Variants in PARVA observed in about 807,000 individuals in gnomAD.
The protein encoded by PARVA is alpha-parvin.
Under a neutral mutation model 52.6 loss-of-function variants are expected in PARVA, and 25 were observed. The ratio of observed to expected loss-of-function variants is 0.48; its 90% confidence interval spans 0.35 to 0.66. The LOEUF (loss-of-function observed/expected upper bound fraction) is 0.66. PARVA is among the 30% of genes least tolerant of loss of function. The pLI, the probability that PARVA is intolerant of heterozygous loss-of-function variation, is 0.01. For missense variants in PARVA, 373 were observed against 450.9 expected, an observed-to-expected ratio of 0.83 and a Z score of 1.56; for synonymous variants, 185 against 179.1, an observed-to-expected ratio of 1.03 and a Z score of -0.26.
chr11:12,497,511 T>A (rs549985961), intron 5 of PARVA, among the ~76,000 whole-genome samples: 1 of 152,306 alleles, frequency 6.6e-6, no homozygotes, highest in Non-Finnish European at 1.5e-5. Context: ...TAACTGCCAG[T>A]CACAATCCCT....
intron 3 of PARVA, among the ~76,000 whole-genome samples, chr11:12,476,680 C>A (rs11022367): frequency 0.19 from 29,601 of 151,942 alleles, 3,686 homozygotes; most frequent in East Asian, 0.35. Context: ...TTTTCTGCCC[C>A]CATAAGCCTC....
chr11:12,398,520 C>A (rs1236272088), intron 1 of PARVA, among the ~76,000 whole-genome samples: 1 of 149,268 alleles, frequency 6.7e-6, no homozygotes, highest in East Asian at 2.1e-4. Flanking sequence ...AAATGAGACA[C>A]AGGGCATTTC....
At position 12,473,951 on chromosome 11, in the gene PARVA, C is replaced by G. The variant is rs780347455; in HGVS notation, c.265C>G (p.Arg89Gly). ...GCGAACAATGGTGGATCCAAACTCA[C>G]GCAGTGACCCCAAGCTTCAAGAACT... Reference protein sequence around the residue: ...EVRTMVDPNSRSDPKLQELMK... With the variant: ...EVRTMVDPNSGSDPKLQELMK... The change falls in exon 3 of 13, where the codon CGC (arginine) becomes GGC (glycine). Residue 89 changes from arginine (R) to glycine (G), a missense_variant. Coordinates refer to ENST00000334956, the MANE Select transcript of PARVA (RefSeq NM_018222.5). 9 of 1,582,404 alleles carry G rather than the reference C, an allele frequency of 5.7e-6. No individual in the cohort carries two copies. Among genetic ancestry groups the G allele is most frequent in the Non-Finnish European group, 6.0e-6 (7 of 1,164,314 alleles).
intron 1 of PARVA, among the ~76,000 whole-genome samples, chr11:12,383,233 T>C (rs1033362670): frequency 6.6e-5 from 10 of 152,232 alleles, no homozygotes; most frequent in African/African-American, 2.4e-4. Context: ...GGCCCTCCTG[T>C]GTGGATTCTT....
chr11:12,419,795 A>G (rs1454874291), intron 1 of PARVA, among the ~76,000 whole-genome samples: 1 of 152,136 alleles, frequency 6.6e-6, no homozygotes, highest in Non-Finnish European at 1.5e-5. Flanking sequence ...TTTGTTATTA[A>G]TAGTAACCAT....
chr11:12,430,848 G>A (rs1329354107), intron 1 of PARVA, among the ~76,000 whole-genome samples: 1 of 152,166 alleles, frequency 6.6e-6, no homozygotes, highest in Admixed American at 6.5e-5. Flanking sequence ...GCTTGACAGG[G>A]CGGAGAAGTC....
At position 12,377,792 on chromosome 11, in the gene PARVA, G is replaced by T; in HGVS notation, c.136+9G>T. The stretch of plus-strand genomic sequence containing the variant: ...GAAGAAAGCCAAGGAGGGTGAGTGC[G>T]GCCAGGCCGGCCGGGCGGGCGGTAG... On this transcript the variant is annotated intron_variant, in intron 1 of 12. Transcript: ENST00000334956. 1 of 1,481,980 alleles carries T rather than the reference G, an allele frequency of 6.7e-7. No homozygotes were observed. The highest frequency in any genetic ancestry group is 1.5e-5 in the African/African-American group (1 of 67,796). 91.8% of individuals were successfully genotyped at this position (1,481,980 alleles called of 1,614,324 possible).
At chr11:12,507,100 C>T (rs922429055) in intron 6 of PARVA, among the ~76,000 whole-genome samples, 6 of 151,616 alleles carry the variant, frequency 4.0e-5, no homozygotes, top group Non-Finnish European at 8.8e-5. Context: ...TTGATTAGTC[C>T]ATTCTTAATC....
At chr11:12,492,677 T>G (rs2135056359) in intron 4 of PARVA, among the ~76,000 whole-genome samples, 1 of 152,214 alleles carries the variant, frequency 6.6e-6, no homozygotes, top group East Asian at 1.9e-4. Flanking sequence ...GCCTGCAAAA[T>G]AGAGATAATG....
intron 4 of PARVA, among the ~76,000 whole-genome samples, chr11:12,486,957 A>G (rs2135050837): frequency 6.6e-6 from 1 of 152,350 alleles, no homozygotes; most frequent in Non-Finnish European, 1.5e-5. Flanking sequence ...CCTTATGAGC[A>G]AAACAACACA....
intron 1 of PARVA, among the ~76,000 whole-genome samples, chr11:12,403,337 AG>A: frequency 1.3e-5 from 2 of 152,332 alleles, no homozygotes; most frequent in Admixed American, 1.3e-4. Context: ...GGGGAGCAAC[AG>A]GTACCCTGAT....
intron 1 of PARVA, among the ~76,000 whole-genome samples, chr11:12,389,669 G>A (rs1939629543): frequency 6.6e-6 from 1 of 152,204 alleles, no homozygotes; most frequent in South Asian, 2.1e-4. Flanking sequence ...GAAGGGATGG[G>A]CTTTGGGAAC....
At chr11:12,484,296 G>A (rs1380622082) in intron 4 of PARVA, among the ~76,000 whole-genome samples, 1 of 152,116 alleles carries the variant, frequency 6.6e-6, no homozygotes, top group Admixed American at 6.5e-5. Context: ...CTTGTGGTAT[G>A]TTTCATTTGA....
chr11:12,378,141 T>G (rs1263239105), intron 1 of PARVA, among the ~76,000 whole-genome samples: 1 of 151,812 alleles, frequency 6.6e-6, no homozygotes, highest in Non-Finnish European at 1.5e-5. Flanking sequence ...GACAGTGCGA[T>G]CCAGTAGGCC....
intron 1 of PARVA, among the ~76,000 whole-genome samples, chr11:12,463,936 A>G (rs1940818737): frequency 2.0e-5 from 3 of 150,226 alleles, no homozygotes; most frequent in Admixed American, 2.0e-4. Context: ...AACTTTGGCC[A>G]GCTCTTTCAA....
chr11:12,414,937 C>G (rs1940043531), intron 1 of PARVA, among the ~76,000 whole-genome samples: 1 of 152,088 alleles, frequency 6.6e-6, no homozygotes, highest in South Asian at 2.1e-4. Context: ...CATCTTTCCT[C>G]CCTAAGGAGG....
Position 12,424,288 on chromosome 11 carries a change from A to G in PARVA, c.136+46505A>G, listed in dbSNP as rs570047664. On this transcript the variant is annotated intron_variant, in intron 1 of 12. Coordinates refer to ENST00000334956, the MANE Select transcript of PARVA (RefSeq NM_018222.5). ...CTTTTTCTATTTACACTTTTATATC[A>G]TCTGCAAAACAAGTGATATGTCCAT... Among the ~76,000 whole-genome samples the G allele has an allele frequency of 2.6e-5, 4 of 152,176 alleles. No homozygotes were observed. The South Asian group carries it at 8.3e-4, about 32-fold the overall frequency.
rs372873636 is a variant in PARVA at position 12,499,673 on chromosome 11, A to G, written c.541+3075A>G. Among the ~76,000 whole-genome samples, 9 of 152,300 alleles carry G rather than the reference A, an allele frequency of 5.9e-5. No homozygotes were observed. In the East Asian group the frequency reaches 1.2e-3, roughly 20 times the overall value. ...CAGGGCATAGAGAGGTTAAGAAACT[A>G]TGAAGGTAAACTTCATGAGGGCAGG... On this transcript the variant is annotated intron_variant, in intron 5 of 12. Coordinates refer to ENST00000334956, the MANE Select transcript of PARVA (RefSeq NM_018222.5).
intron 4 of PARVA, among the ~76,000 whole-genome samples, chr11:12,486,399 G>A (rs1350534737): frequency 6.6e-6 from 1 of 151,996 alleles, no homozygotes; most frequent in Non-Finnish European, 1.5e-5. Flanking sequence ...CAGGCATGGT[G>A]GCACATACCT....
Sources: allele counts gnomAD v4.1 joint callset (sites outside exome capture counted in the v4.1 genomes callset), GRCh38; gene constraint gnomAD v4.1.1; transcripts MANE v1.5; gene names NCBI Gene and HGNC (gene_info 2026-07-23, HGNC 2026-07-21).